DMD: variants seen among roughly 807,000 people sequenced by gnomAD.
DMD encodes the protein dystrophin.
A neutral mutation model predicts 330.1 loss-of-function variants in DMD; 63 were observed. That is an observed-to-expected ratio of 0.19 (90% CI 0.16 to 0.24). The LOEUF (loss-of-function observed/expected upper bound fraction) is 0.24, where lower values mean the gene tolerates loss of function less well. Among genes scored for constraint, DMD ranks in the 10% least tolerant of loss-of-function variants. The probability of loss-of-function intolerance (pLI) is 1.00; values close to 1 mark genes in which losing one functional copy is unlikely to be tolerated. For missense variants in DMD, 3,344 were observed against 2,684.1 expected, an observed-to-expected ratio of 1.25 and a Z score of -5.43; for synonymous variants, 1,223 against 959.8, an observed-to-expected ratio of 1.27 and a Z score of -5.07.
intron 61 of DMD, among the ~76,000 whole-genome samples, chrX:31,336,367 A>G (rs2057403649): frequency 8.9e-6 from 1 of 112,132 alleles, no homozygotes; most frequent in Non-Finnish European, 1.9e-5. Flanking sequence ...GCCAGAGATA[A>G]TGCACAGGAC....
intron 7 of DMD, among the ~76,000 whole-genome samples, chrX:32,732,396 C>A (rs2067812767): frequency 9.1e-6 from 1 of 110,375 alleles, no homozygotes. Flanking sequence ...CATTCAGATT[C>A]AGGAAATACA....
chrX:31,279,505 C>T (rs2052450920), intron 62 of DMD, among the ~76,000 whole-genome samples: 1 of 111,781 alleles, frequency 8.9e-6, no homozygotes, highest in South Asian at 3.8e-4. Context: ...ACATGACTTG[C>T]TTCGGCTAAT....
chrX:33,162,060 A>G (rs2048797569), intron 1 of DMD, among the ~76,000 whole-genome samples: 1 of 111,659 alleles, frequency 9.0e-6, no homozygotes, highest in Non-Finnish European at 1.9e-5. Context: ...AGTGTGACTA[A>G]GACACTGTTT....
chrX:32,362,087 C>G (rs139209939), intron 37 of DMD, among the ~76,000 whole-genome samples: 38 of 111,566 alleles, frequency 3.4e-4, no homozygotes, highest in Admixed American at 1.2e-3. Flanking sequence ...AAGTCTATCA[C>G]GCAAAAGTTC....
At chrX:31,228,747 C>T (rs1163408720) in intron 63 of DMD, among the ~76,000 whole-genome samples, 1 of 111,975 alleles carries the variant, frequency 8.9e-6, no homozygotes, top group African/African-American at 3.2e-5. Flanking sequence ...CTCTCACAGC[C>T]GGAACTCAAG....
chrX:31,669,876 T>C (rs2081650141), intron 53 of DMD, among the ~76,000 whole-genome samples: 1 of 108,969 alleles, frequency 9.2e-6, no homozygotes, highest in African/African-American at 3.3e-5. Flanking sequence ...ATTTTGATAA[T>C]GATTCCATAG....
chrX:32,757,622 C>T (rs780610337), intron 7 of DMD, among the ~76,000 whole-genome samples: 10 of 110,760 alleles, frequency 9.0e-5, no homozygotes, highest in Non-Finnish European at 1.7e-4. Context: ...GAAAGTTTCC[C>T]GGAACATGCT....
intron 40 of DMD, 55 bp downstream of exon 40, chrX:32,343,079 A>T (rs1014951829): frequency 9.2e-7 from 1 of 1,089,268 alleles, no homozygotes; most frequent in African/African-American, 1.8e-5. Context: ...TGATCTTCAC[A>T]GGTTAATTAA....
At chrX:32,290,603 A>G (rs2097463003) in intron 42 of DMD, among the ~76,000 whole-genome samples, 1 of 112,270 alleles carries the variant, frequency 8.9e-6, no homozygotes, top group Non-Finnish European at 1.9e-5. Flanking sequence ...TAAAAACTAC[A>G]TTCTGGCTAT....
chrX:32,814,867 A>C (rs1354228126), intron 6 of DMD, among the ~76,000 whole-genome samples: 3 of 111,665 alleles, frequency 2.7e-5, no homozygotes, highest in Non-Finnish European at 3.8e-5. Flanking sequence ...GGACCACATA[A>C]CCTGATCCTT....
At position 31,951,468 on chromosome X, in the gene DMD, G is replaced by A. The variant is rs185469579; in HGVS notation, c.6614+16871C>T. On this transcript the variant is annotated intron_variant, in intron 45 of 78. Coordinates refer to ENST00000357033, the MANE Select transcript of DMD (RefSeq NM_004006.3). ...TCTTATTCATGTCTTTTTTGTTCCTGTTTCTCCTTTACTGCACTGTCTTGT... is the reference window on the plus strand; with the variant it reads ...TCTTATTCATGTCTTTTTTGTTCCTATTTCTCCTTTACTGCACTGTCTTGT... 2.2e-3 allele frequency among the ~76,000 whole-genome samples: 241 copies of A among 107,833 alleles called. 1 individual carries two copies. The highest frequency in any genetic ancestry group is 8.0e-3 in the African/African-American group (240 of 29,844). 93.6% of individuals were successfully genotyped at this position (107,833 alleles called of 115,157 possible).
rs2093102579 is a variant in DMD, at chrX:31,833,295, AGAGAGGGAGAGAGGGAGAGAGG to A, written c.7200+3401_7200+3422del. Among the ~76,000 whole-genome samples the A allele has an allele frequency of 4.5e-4, 16 of 35,455 alleles. 1 individual carries two copies. The highest frequency in any genetic ancestry group is 2.0e-3 in the African/African-American group (16 of 8,093). 30.8% of individuals were successfully genotyped at this position (35,455 alleles called of 115,157 possible). A position where few individuals can be genotyped will look rare whatever the true frequency, so the allele number is the denominator to read the frequency against. ...GGGGGAGAGAGAGAGAGAGAGAGGG[AGAGAGGGAGAGAGGGAGAGAGG>A]GAGAGAGGGAGAGAGGGAGAGAGTG... On this transcript the variant is annotated intron_variant, in intron 49 of 78. Coordinates refer to ENST00000357033, the MANE Select transcript of DMD (RefSeq NM_004006.3).
At chrX:31,328,359 A>G (rs889303687) in intron 61 of DMD, among the ~76,000 whole-genome samples, 1 of 111,871 alleles carries the variant, frequency 8.9e-6, no homozygotes, top group African/African-American at 3.3e-5. Flanking sequence ...AGAAAAATCA[A>G]TTTTCTGCAG....
At chrX:32,384,926 A>T (rs1359393136) in intron 33 of DMD, among the ~76,000 whole-genome samples, 1 of 111,587 alleles carries the variant, frequency 9.0e-6, no homozygotes, top group Non-Finnish European at 1.9e-5. Context: ...TTATGGAAAG[A>T]TATCCCATAT....
At chrX:31,521,574 G>A (rs116679543) in intron 55 of DMD, among the ~76,000 whole-genome samples, 6,117 of 111,923 alleles carry the variant, frequency 0.055, 396 homozygotes, top group African/African-American at 0.18. Context: ...GAGTATAAAC[G>A]AAGAAGCCTC....
intron 47 of DMD, among the ~76,000 whole-genome samples, chrX:31,914,769 TGGTTA>T (rs1462886014): frequency 1.8e-5 from 2 of 111,829 alleles, no homozygotes; most frequent in Middle Eastern, 4.2e-3. Flanking sequence ...GGCAGCGGGA[TGGTTA>T]ATGGGTACAA....
intron 1 of DMD, among the ~76,000 whole-genome samples, chrX:33,315,768 T>G (rs5972815): frequency 9.0e-6 from 1 of 111,345 alleles, no homozygotes; most frequent in Non-Finnish European, 1.9e-5. Flanking sequence ...TTTCGCCATA[T>G]AAGGCAACAT....
intron 44 of DMD, among the ~76,000 whole-genome samples, chrX:32,136,552 TAAACAAAACAAAACA>T (rs59128114): frequency 0.047 from 4,684 of 100,544 alleles, 117 homozygotes; most frequent in Middle Eastern, 0.072. Context: ...CAACAGAGAT[TAAACAAAACAAAACA>T]AAACAAAACA....
intron 2 of DMD, among the ~76,000 whole-genome samples, chrX:32,885,826 G>GGA (rs200164161): frequency 0.25 from 5,496 of 22,027 alleles, 161 homozygotes; most frequent in Middle Eastern, 0.41. Context: ...CCCTTGAGGG[G>GGA]GAAAAAAAAA....
Sources: gnomAD v4.1 joint callset for allele counts (sites outside exome capture counted in the v4.1 genomes callset) on GRCh38, gnomAD v4.1.1 for gene constraint, MANE v1.5 for transcripts, NCBI Gene and HGNC (gene_info 2026-07-23, HGNC 2026-07-21) for gene names.